The following C2orf49 variants were observed in gnomAD, a reference collection of about 807,000 sequenced individuals.
C2orf49 encodes tRNA splicing ligase complex subunit 2, also known as tRNA-splicing ligase complex subunit ASW.
In C2orf49, 11 loss-of-function variants were observed where a neutral mutation model predicts 20.6. The observed-to-expected ratio is 0.53, with a 90% CI of 0.34 to 0.88. C2orf49 has a LOEUF of 0.88. C2orf49 is among the 40% of genes least tolerant of loss of function. C2orf49 has a pLI of 0.02. For missense variants in C2orf49, 289 were observed against 274.2 expected, an observed-to-expected ratio of 1.05 and a Z score of -0.38; for synonymous variants, 134 against 108.5, an observed-to-expected ratio of 1.24 and a Z score of -1.46.
the C2orf49 span, chr2:105,378,241 C>T: frequency 2.1e-6 from 1 of 466,436 alleles, no homozygotes; most frequent in Non-Finnish European, 4.5e-6. Context: ...AAGACTGATT[C>T]ATTGACACGT....
chr2:105,364,211 A>G, the C2orf49 span, among the ~76,000 whole-genome samples: 1 of 152,166 alleles, frequency 6.6e-6, no homozygotes, highest in Non-Finnish European at 1.5e-5. Context: ...AGCCAAGATC[A>G]TGCCACTGCA....
the C2orf49 span, among the ~76,000 whole-genome samples, chr2:105,372,220 C>A: frequency 8.9e-5 from 11 of 123,548 alleles, no homozygotes; most frequent in African/African-American, 1.3e-4. Context: ...TATTCCTTAT[C>A]CTACATAACT....
chr2:105,338,435 T>A (rs1679566579), intron 1 of C2orf49, among the ~76,000 whole-genome samples: 1 of 152,220 alleles, frequency 6.6e-6, no homozygotes, highest in South Asian at 2.1e-4. Context: ...CTCAAACTTT[T>A]TAGGTACTTA....
chr2:105,382,809 C>T, the C2orf49 span, among the ~76,000 whole-genome samples: 6 of 152,178 alleles, frequency 3.9e-5, no homozygotes, highest in Non-Finnish European at 7.3e-5. Flanking sequence ...TTACGTGTGT[C>T]GCCCAGGGCT....
chr2:105,354,634 C>G, the C2orf49 span, among the ~76,000 whole-genome samples: 1 of 151,192 alleles, frequency 6.6e-6, no homozygotes, highest in East Asian at 2.0e-4. Flanking sequence ...CCATTGCACT[C>G]CAGCCTGGGC....
At chr2:105,349,319 ACTC>A (rs1276779185), downstream of C2orf49, 1 of 151,682 alleles carries the variant, frequency 6.6e-6, no homozygotes, top group East Asian at 1.9e-4. Context: ...GCAGCCTTGA[ACTC>A]CTTGGCTCAA....
Position 105,345,355 on chromosome 2 carries a change from A to T in C2orf49, c.683A>T (p.His228Leu). The change falls in exon 4 of 4, where the codon CAT becomes CTT. Residue 228 changes from histidine to leucine, a missense_variant. By Grantham distance (99) the His-to-Leu change is moderately conservative. Coordinates refer to ENST00000258457, the MANE Select transcript of C2orf49 (RefSeq NM_024093.3). ...CCACAAGCAAAAAGGAAGATACAAC[A>T]TGTTACTTGGCCCTGAAGAAAAGTT... Reference protein sequence around the residue: ...KPPQAKRKIQHVTWP With the variant: ...KPPQAKRKIQLVTWP The T allele has an allele frequency of 6.2e-7, 1 of 1,613,390 alleles. No individual in the cohort carries two copies. Among genetic ancestry groups the T allele is most frequent in the Admixed American group, 1.7e-5 (1 of 59,908 alleles).
Position 105,348,516 on chromosome 2 carries a change from G to A in C2orf49, c.*3145G>A, listed in dbSNP as rs1414385260. 1 of 139,156 alleles carries A rather than the reference G, an allele frequency of 7.2e-6. No individual in the cohort carries two copies. Among genetic ancestry groups the A allele is most frequent in the Non-Finnish European group, 1.5e-5 (1 of 65,506 alleles). The allele number at this position is 139,156 out of a possible 1,614,324, so 8.6% of individuals were successfully genotyped here. A position where few individuals can be genotyped will look rare whatever the true frequency, so the allele number is the denominator to read the frequency against. On this transcript the variant is annotated 3_prime_UTR_variant, in exon 4 of 4. Coordinates refer to ENST00000258457, the MANE Select transcript of C2orf49 (RefSeq NM_024093.3). ...ATACTTACATTAAGTAAAACTGCCAGTAGATTAAATCATATATATATATAT... is the reference window on the plus strand; with the variant it reads ...ATACTTACATTAAGTAAAACTGCCAATAGATTAAATCATATATATATATAT...
At chr2:105,351,277 T>C (rs1679925361), downstream of C2orf49, among the ~76,000 whole-genome samples, 1 of 151,182 alleles carries the variant, frequency 6.6e-6, no homozygotes. Flanking sequence ...CTATAGTTAT[T>C]GCTTTTCCCT....
the C2orf49 span, among the ~76,000 whole-genome samples, chr2:105,370,365 ATCCT>A: frequency 1.3e-5 from 2 of 150,230 alleles, no homozygotes; most frequent in African/African-American, 2.5e-5. Flanking sequence ...AAAGAGCGAG[ATCCT>A]GGCTCAAAAA....
chr2:105,338,145 C>T (rs972500488), intron 1 of C2orf49, among the ~76,000 whole-genome samples: 6 of 152,176 alleles, frequency 3.9e-5, no homozygotes, highest in African/African-American at 9.7e-5. Context: ...GTCACAACAT[C>T]TGTAAATGGT....
At chr2:105,377,328 A>G in the C2orf49 span, among the ~76,000 whole-genome samples, 1 of 152,298 alleles carries the variant, frequency 6.6e-6, no homozygotes, top group Non-Finnish European at 1.5e-5. Context: ...CCATAATTAA[A>G]AGAATAAAAA....
intron 3 of C2orf49, among the ~76,000 whole-genome samples, chr2:105,343,941 C>G (rs1573245866): frequency 6.6e-6 from 1 of 151,936 alleles, no homozygotes; most frequent in Non-Finnish European, 1.5e-5. Context: ...CTGTAGAATA[C>G]TTTGCCTTTA....
chr2:105,338,260 G>A (rs902347661), intron 1 of C2orf49, among the ~76,000 whole-genome samples: 2 of 152,178 alleles, frequency 1.3e-5, no homozygotes, highest in Non-Finnish European at 2.9e-5. Context: ...AAGGAAAAAA[G>A]TGATGTTTTA....
chr2:105,385,769 A>C, the C2orf49 span: 1 of 152,768 alleles, frequency 6.5e-6, no homozygotes, highest in Non-Finnish European at 1.5e-5. Flanking sequence ...GGCAGTTGGT[A>C]CAAGTGACCA....
Position 105,339,668 on chromosome 2 carries a change from A to G in C2orf49, c.185A>G (p.Gln62Arg), listed in dbSNP as rs774117581. 1.2e-6 allele frequency: 2 copies of G among 1,609,704 alleles called. No individual in the cohort carries two copies. Among genetic ancestry groups the G allele is most frequent in the Non-Finnish European group, 1.7e-6 (2 of 1,179,142 alleles). ...GTCCAACATGCAATACCATTGCCTC[A>G]GAGGGATTTGCCGAAGAATAGATGG... ...LYVQHAIPLP[Q>R]RDLPKNRWGK... Residue 62 changes from glutamine to arginine, a missense_variant, in exon 2 of 4, where the codon CAG becomes CGG. Coordinates refer to ENST00000258457, the MANE Select transcript of C2orf49 (RefSeq NM_024093.3).
intron 1 of C2orf49, 35 bp downstream of exon 1, chr2:105,337,721 G>GCCCCCCCCCCC: frequency 3.7e-5 from 1 of 26,800 alleles, no homozygotes; most frequent in South Asian, 1.6e-3. Context: ...GGGCGGGTGG[G>GCCCCCCCCCCC]CCTTCCCAGG....
At chr2:105,358,463 C>T in the C2orf49 span, 1 of 152,538 alleles carries the variant, frequency 6.6e-6, no homozygotes, top group Non-Finnish European at 1.5e-5. Flanking sequence ...GGGGCAAAGC[C>T]CTAGACTGGT....
chr2:105,352,117 C>G (rs2576772), downstream of C2orf49, among the ~76,000 whole-genome samples: 66,585 of 152,032 alleles, frequency 0.44, 15,208 homozygotes, highest in Non-Finnish European at 0.51. Context: ...TTGTTAGCCT[C>G]TACCCATGTG....
Sources: allele counts gnomAD v4.1 joint callset (sites outside exome capture counted in the v4.1 genomes callset), GRCh38; gene constraint gnomAD v4.1.1; transcripts MANE v1.5; gene names NCBI Gene and HGNC (gene_info 2026-07-23, HGNC 2026-07-21).